PFDN1: variants seen among roughly 807,000 people sequenced by gnomAD.
The protein encoded by PFDN1 is prefoldin 1.
In PFDN1, 6 loss-of-function variants were observed where a neutral mutation model predicts 17.3. The ratio of observed to expected loss-of-function variants is 0.35; its 90% CI spans 0.19 to 0.69. The LOEUF is 0.69. Among genes scored for constraint, PFDN1 ranks in the 30% least tolerant of loss-of-function variants. PFDN1 has a pLI of 0.65. For missense variants in PFDN1, 113 were observed against 146.2 expected (o/e 0.77, Z 1.17); for synonymous variants, 58 against 50.1 (o/e 1.16, Z -0.67).
intron 3 of PFDN1, among the ~76,000 whole-genome samples, chr5:140,280,125 T>A (rs1765378126): frequency 6.6e-6 from 1 of 152,050 alleles, no homozygotes; most frequent in South Asian, 2.1e-4. Flanking sequence ...TATATATCCT[T>A]ACATATCATC....
chr5:140,275,880 T>G (rs1202946448), intron 3 of PFDN1, among the ~76,000 whole-genome samples: 1 of 152,150 alleles, frequency 6.6e-6, no homozygotes, highest in Non-Finnish European at 1.5e-5. Flanking sequence ...AAACTGGAAC[T>G]CTGACCCCAA....
At chr5:140,253,734 G>A (rs1238122339) in intron 3 of PFDN1, among the ~76,000 whole-genome samples, 4 of 152,228 alleles carry the variant, frequency 2.6e-5, no homozygotes, top group Admixed American at 1.3e-4. Context: ...GGGGTCAAGC[G>A]ATGGGCAGCT....
chr5:140,273,646 A>C (rs1765246063), intron 3 of PFDN1, among the ~76,000 whole-genome samples: 1 of 152,018 alleles, frequency 6.6e-6, no homozygotes, highest in Non-Finnish European at 1.5e-5. Flanking sequence ...TTTAAACGTC[A>C]AGACTTTAAC....
chr5:140,278,205 C>T (rs1765328325), intron 3 of PFDN1, among the ~76,000 whole-genome samples: 2 of 151,544 alleles, frequency 1.3e-5, no homozygotes, highest in South Asian at 4.2e-4. Context: ...AAGATGCCAT[C>T]TCAAAACAAT....
chr5:140,298,412 T>C (rs1157778981), intron 2 of PFDN1, among the ~76,000 whole-genome samples: 1 of 151,974 alleles, frequency 6.6e-6, no homozygotes, highest in Non-Finnish European at 1.5e-5. Context: ...AATGGTCTAC[T>C]TACTAAGTAA....
intron 3 of PFDN1, among the ~76,000 whole-genome samples, chr5:140,275,149 C>T (rs765601749): frequency 1.3e-5 from 2 of 152,138 alleles, no homozygotes; most frequent in Non-Finnish European, 2.9e-5. Context: ...TGGCTCACAC[C>T]TGTAATCCCA....
At chr5:140,299,519 C>G (rs567879822) in intron 2 of PFDN1, among the ~76,000 whole-genome samples, 2 of 151,506 alleles carry the variant, frequency 1.3e-5, no homozygotes, top group Non-Finnish European at 2.9e-5. Flanking sequence ...ATTGTTTGAA[C>G]CCAAGAGGCG....
chr5:140,295,624 T>G (rs557093512), intron 2 of PFDN1, among the ~76,000 whole-genome samples: 3 of 152,288 alleles, frequency 2.0e-5, no homozygotes, highest in African/African-American at 7.2e-5. Context: ...AACTAAAATG[T>G]GCTGGCAACA....
At position 140,254,614 on chromosome 5, in the gene PFDN1, C is replaced by G. The variant is rs1764961265; in HGVS notation, c.286-8557G>C. On this transcript the variant is annotated intron_variant, in intron 3 of 3. Coordinates refer to ENST00000261813, the MANE Select transcript of PFDN1 (RefSeq NM_002622.5). The surrounding 1 kb of genome is among the most constrained non-coding windows in gnomAD (Gnocchi z 4.4). ...ACCCAATACCACAGCCTCCTCTCTC[C>G]TCACAATTTTACAGTTATCCCACCT... Among the ~76,000 whole-genome samples the G allele has an allele frequency of 6.6e-6, 1 of 152,174 alleles. No individual in the cohort carries two copies. The highest frequency in any genetic ancestry group is 1.5e-5 in the Non-Finnish European group (1 of 68,032).
chr5:140,250,818 C>A (rs925373589), intron 3 of PFDN1, among the ~76,000 whole-genome samples: 23 of 152,368 alleles, frequency 1.5e-4, no homozygotes, highest in Admixed American at 6.5e-4. Flanking sequence ...ATTGCCCTCT[C>A]ACCCCCTGCC....
chr5:140,300,293 T>C (rs1477705348), intron 2 of PFDN1, 123 bp downstream of exon 2: 6 of 683,236 alleles, frequency 8.8e-6, no homozygotes, highest in Non-Finnish European at 1.3e-5. Flanking sequence ...CCTCCCAAAG[T>C]GCCAGGATTA....
At chr5:140,297,553 A>T (rs1765673162) in intron 2 of PFDN1, among the ~76,000 whole-genome samples, 1 of 152,224 alleles carries the variant, frequency 6.6e-6, no homozygotes. Context: ...CAAATTTAAA[A>T]CAGAAGTCTG....
At chr5:140,266,665 C>T (rs187357063) in intron 3 of PFDN1, among the ~76,000 whole-genome samples, 1 of 152,292 alleles carries the variant, frequency 6.6e-6, no homozygotes, top group East Asian at 1.9e-4. Flanking sequence ...ATCAATAAGC[C>T]CTCAGGTGAG....
chr5:140,246,378 C>A (rs530909232), intron 3 of PFDN1, among the ~76,000 whole-genome samples: 11 of 152,360 alleles, frequency 7.2e-5, no homozygotes, highest in African/African-American at 2.6e-4. Flanking sequence ...CCCAGACAGA[C>A]AAAGGCCAGG....
At chr5:140,280,011 AAACAAAAAAAG>A (rs1765368196) in intron 3 of PFDN1, among the ~76,000 whole-genome samples, 1 of 133,930 alleles carries the variant, frequency 7.5e-6, no homozygotes, top group African/African-American at 2.9e-5. Context: ...AAAAAAAAAA[AAACAAAAAAAG>A]AAAAGAAAAG....
At chr5:140,269,484 A>C (rs1177074220) in intron 3 of PFDN1, among the ~76,000 whole-genome samples, 1 of 151,876 alleles carries the variant, frequency 6.6e-6, no homozygotes, top group Non-Finnish European at 1.5e-5. Context: ...ACGCCCGGCT[A>C]ATTTTGTATT....
At position 140,245,676 on chromosome 5, in the gene PFDN1, G is replaced by T. The variant is rs1025690806; in HGVS notation, c.*298C>A. On this transcript the variant is annotated 3_prime_UTR_variant, in exon 4 of 4. Coordinates refer to ENST00000261813, the MANE Select transcript of PFDN1 (RefSeq NM_002622.5). Reference sequence around the variant, plus strand: ...TTTATTGGTCTGGCTGGCGTGCCTAGTGGAAAGCTCAGGCAGAGCTTCCTA... The same window carrying T: ...TTTATTGGTCTGGCTGGCGTGCCTATTGGAAAGCTCAGGCAGAGCTTCCTA... The T allele has an allele frequency of 1.5e-6, 1 of 645,618 alleles. No individual in the cohort carries two copies. Among genetic ancestry groups the T allele is most frequent in the Non-Finnish European group, 2.8e-6 (1 of 360,612 alleles). 40.0% of individuals were successfully genotyped at this position (645,618 alleles called of 1,614,324 possible). A position where few individuals can be genotyped will look rare whatever the true frequency, so the allele number is the denominator to read the frequency against.
At chr5:140,256,013 C>G (rs1046280788) in intron 3 of PFDN1, among the ~76,000 whole-genome samples, 1 of 152,184 alleles carries the variant, frequency 6.6e-6, no homozygotes, top group Non-Finnish European at 1.5e-5. Context: ...TACTCAACCT[C>G]TCAACAGTGT....
At chr5:140,296,234 T>G (rs914839236) in intron 2 of PFDN1, among the ~76,000 whole-genome samples, 2 of 152,062 alleles carry the variant, frequency 1.3e-5, no homozygotes, top group Non-Finnish European at 2.9e-5. Flanking sequence ...TCTAAAATAC[T>G]TTTTTTTCTA....
Sources: gnomAD v4.1 joint callset for allele counts (sites outside exome capture counted in the v4.1 genomes callset) on GRCh38, gnomAD v4.1.1 for gene constraint, Gnocchi (gnomAD v3.1) non-coding constraint, MANE v1.5 for transcripts, NCBI Gene and HGNC (gene_info 2026-07-23, HGNC 2026-07-21) for gene names.